PDZRN4: variants seen among roughly 807,000 people sequenced by gnomAD.
PDZRN4 encodes the protein PDZ domain containing ring finger 4.
In PDZRN4, 70 loss-of-function variants were observed where a neutral mutation model predicts 99.0. The observed-to-expected ratio is 0.71, with a 90% confidence interval of 0.58 to 0.86. The LOEUF (loss-of-function observed/expected upper bound fraction) is 0.86, where lower values mean the gene tolerates loss of function less well. Among genes scored for constraint, PDZRN4 ranks in the 40% least tolerant of loss-of-function variants. PDZRN4 has a pLI of 0.00. For synonymous variants in PDZRN4, 551 were observed against 501.6 expected (o/e 1.10, Z -1.32); for missense variants, 1,474 against 1,331.2 (o/e 1.11, Z -1.67).
intron 3 of PDZRN4, among the ~76,000 whole-genome samples, chr12:41,269,982 TC>T (rs1951303299): frequency 6.6e-6 from 1 of 152,104 alleles, no homozygotes; most frequent in Non-Finnish European, 1.5e-5. Flanking sequence ...CCTACCTCTC[TC>T]TTTTGCTTTG....
rs780908068 is a variant in PDZRN4 at position 41,573,627 on chromosome 12, C to T, written c.2848C>T (p.Leu950=). The T allele has an allele frequency of 2.6e-5, 42 of 1,614,022 alleles. No homozygotes were observed. The highest frequency in any genetic ancestry group is 1.6e-4 in the Middle Eastern group (1 of 6,062). The change falls in exon 10 of 10, where the codon CTG becomes TTG. Residue 950 remains leucine (L), a synonymous_variant. Coordinates refer to ENST00000402685, the MANE Select transcript of PDZRN4 (RefSeq NM_001164595.2). ...YWSKEERKQH[L]VRAKEQRRRR... ...GAGCAAAGAGGAGAGAAAGCAGCAC[C>T]TGGTTAGGGCCAAAGAGCAGCGCCG...
chr12:41,287,302 T>G (rs1951428217), intron 3 of PDZRN4, among the ~76,000 whole-genome samples: 1 of 152,194 alleles, frequency 6.6e-6, no homozygotes, highest in Non-Finnish European at 1.5e-5. Flanking sequence ...ATTTCTAACT[T>G]GTAAAATGAA....
At chr12:41,263,553 G>A (rs975352259) in intron 3 of PDZRN4, among the ~76,000 whole-genome samples, 11 of 152,146 alleles carry the variant, frequency 7.2e-5, no homozygotes, top group Admixed American at 6.6e-4. Flanking sequence ...TGAGCATGGT[G>A]GCATTTGCCT....
chr12:41,345,070 G>C (rs12817575), intron 3 of PDZRN4, among the ~76,000 whole-genome samples: 72,074 of 151,860 alleles, frequency 0.47, 17,882 homozygotes, highest in Middle Eastern at 0.66. Flanking sequence ...TTTTATGAAA[G>C]GCCGTTACAT....
intron 3 of PDZRN4, among the ~76,000 whole-genome samples, chr12:41,363,599 T>A (rs1448927716): frequency 6.6e-6 from 1 of 152,074 alleles, no homozygotes; most frequent in African/African-American, 2.4e-5. Context: ...GATGGATCTG[T>A]TAAGGATGCA....
At chr12:41,215,075 T>A (rs944203291) in intron 3 of PDZRN4, among the ~76,000 whole-genome samples, 1 of 152,086 alleles carries the variant, frequency 6.6e-6, no homozygotes, top group Non-Finnish European at 1.5e-5. Flanking sequence ...CACAGTTGCA[T>A]GGTAGGCCAC....
chr12:41,445,320 T>C lies in PDZRN4; in HGVS notation c.844-61136T>C, dbSNP rs78597416. 3.3e-3 allele frequency among the ~76,000 whole-genome samples: 498 copies of C among 152,224 alleles called. 17 individuals carry two copies. In the East Asian group the frequency reaches 0.088, roughly 27 times the overall value. On this transcript the variant is annotated intron_variant, in intron 3 of 9. Coordinates refer to ENST00000402685, the MANE Select transcript of PDZRN4 (RefSeq NM_001164595.2). ...ACAAATATTTCCAAAACCCATGATCTTATTTACATAATTATTTAACCTGCA... is the reference window on the plus strand; with the variant it reads ...ACAAATATTTCCAAAACCCATGATCCTATTTACATAATTATTTAACCTGCA...
intron 3 of PDZRN4, among the ~76,000 whole-genome samples, chr12:41,219,466 C>A (rs769760099): frequency 1.3e-5 from 2 of 151,956 alleles, no homozygotes; most frequent in Non-Finnish European, 2.9e-5. Context: ...AGTAATAATG[C>A]TCTAGAAGTT....
chr12:41,264,085 A>C (rs772962503), intron 3 of PDZRN4, among the ~76,000 whole-genome samples: 2 of 152,200 alleles, frequency 1.3e-5, no homozygotes, highest in Non-Finnish European at 2.9e-5. Flanking sequence ...AATTTAAGGA[A>C]AGAGAAAAAA....
intron 4 of PDZRN4, among the ~76,000 whole-genome samples, chr12:41,509,111 T>C (rs1938260922): frequency 6.6e-6 from 1 of 152,168 alleles, no homozygotes; most frequent in African/African-American, 2.4e-5. Context: ...AAAAGCCATA[T>C]CCTCTCATTT....
At chr12:41,376,699 GT>G (rs1044407517) in intron 3 of PDZRN4, among the ~76,000 whole-genome samples, 4 of 151,786 alleles carry the variant, frequency 2.6e-5, no homozygotes, top group Admixed American at 6.6e-5. Context: ...TTTTGTTGAT[GT>G]TTTTTTCGTT....
At chr12:41,377,233 T>A (rs573932214) in intron 3 of PDZRN4, among the ~76,000 whole-genome samples, 2 of 152,270 alleles carry the variant, frequency 1.3e-5, no homozygotes, top group South Asian at 4.1e-4. Flanking sequence ...TTCCATATGA[T>A]AGGATTTTTT....
intron 5 of PDZRN4, among the ~76,000 whole-genome samples, chr12:41,541,778 C>T (rs1938862438): frequency 6.6e-6 from 1 of 152,104 alleles, no homozygotes; most frequent in African/African-American, 2.4e-5. Flanking sequence ...TTAAAAATTC[C>T]CTTGAAGGCA....
At chr12:41,442,057 C>T (rs1952684424) in intron 3 of PDZRN4, among the ~76,000 whole-genome samples, 1 of 152,102 alleles carries the variant, frequency 6.6e-6, no homozygotes, top group South Asian at 2.1e-4. Context: ...TTTAATGGCT[C>T]CCAATTACTA....
At chr12:41,235,469 TAGAA>T (rs1484444777) in intron 3 of PDZRN4, among the ~76,000 whole-genome samples, 16 of 152,120 alleles carry the variant, frequency 1.1e-4, no homozygotes, top group Non-Finnish European at 2.1e-4. Context: ...TCGAAAAACT[TAGAA>T]GGGCTAGGCA....
chr12:41,228,825 A>T (rs531392635), intron 3 of PDZRN4, among the ~76,000 whole-genome samples: 7 of 152,212 alleles, frequency 4.6e-5, no homozygotes, highest in African/African-American at 1.7e-4. Flanking sequence ...CAATGAACTG[A>T]GGTGATTTTC....
intron 3 of PDZRN4, among the ~76,000 whole-genome samples, chr12:41,202,553 T>A (rs545452926): frequency 2.0e-5 from 3 of 152,182 alleles, no homozygotes; most frequent in South Asian, 2.1e-4. Context: ...CACAGTTCCA[T>A]GGCTTTATAG....
chr12:41,209,638 T>A (rs929771169), intron 3 of PDZRN4, among the ~76,000 whole-genome samples: 3 of 151,176 alleles, frequency 2.0e-5, no homozygotes, highest in Non-Finnish European at 4.4e-5. Flanking sequence ...AGAATGATGG[T>A]TTCCAGCTTC....
intron 3 of PDZRN4, among the ~76,000 whole-genome samples, chr12:41,481,871 T>G (rs976646733): frequency 4.6e-5 from 7 of 152,270 alleles, no homozygotes; most frequent in Non-Finnish European, 7.4e-5. Flanking sequence ...CTATGTAGAG[T>G]AAGCATTTAC....
Sources: gnomAD v4.1 joint callset for allele counts (sites outside exome capture counted in the v4.1 genomes callset) on GRCh38, gnomAD v4.1.1 for gene constraint, MANE v1.5 for transcripts, NCBI Gene and HGNC (gene_info 2026-07-23, HGNC 2026-07-21) for gene names.